The following OXSR1 variants were observed in gnomAD, a reference collection of about 807,000 sequenced individuals.
OXSR1 encodes the protein oxidative stress responsive kinase 1.
Under a neutral mutation model 79.8 loss-of-function variants are expected in OXSR1, and 24 were observed. The observed-to-expected ratio is 0.30, with a 90% confidence interval of 0.22 to 0.42. The LOEUF is 0.42. OXSR1 is among the 10% of genes least tolerant of loss of function. The probability of loss-of-function intolerance (pLI) is 1.00; values close to 1 mark genes in which losing one functional copy is unlikely to be tolerated. For synonymous variants in OXSR1, 226 were observed against 209.2 expected (o/e 1.08, Z -0.69); for missense variants, 430 against 618.4 (o/e 0.70, Z 3.23).
chr3:38,251,792 C>T (rs1255081202), intron 16 of OXSR1, among the ~76,000 whole-genome samples: 2 of 152,072 alleles, frequency 1.3e-5, no homozygotes, highest in Non-Finnish European at 2.9e-5. Context: ...TTTTGTGGCC[C>T]AAGTTGAGCA....
At chr3:38,242,175 C>T (rs1559527127) in intron 11 of OXSR1, among the ~76,000 whole-genome samples, 1 of 152,112 alleles carries the variant, frequency 6.6e-6, no homozygotes, top group Non-Finnish European at 1.5e-5. Flanking sequence ...ATTTCCACTA[C>T]CTTTATTTTT....
At chr3:38,181,414 G>C (rs1355193235) in intron 1 of OXSR1, among the ~76,000 whole-genome samples, 1 of 149,888 alleles carries the variant, frequency 6.7e-6, no homozygotes, top group Non-Finnish European at 1.5e-5. Flanking sequence ...GGAGTGCAAG[G>C]GTGCAATCTC....
At chr3:38,188,149 G>T (rs1345113734) in intron 2 of OXSR1, among the ~76,000 whole-genome samples, 1 of 151,914 alleles carries the variant, frequency 6.6e-6, no homozygotes, top group Non-Finnish European at 1.5e-5. Context: ...ACCCTTTGTA[G>T]TACTCCCCTT....
At position 38,190,781 on chromosome 3, in the gene OXSR1, CTACACAT is replaced by C. The variant is rs1486606290; in HGVS notation, c.235_241del (p.Tyr79LeufsTer4). ...GCCATCATCCTAATATTGTATCTTA[CTACACAT>C]CTTTTGTGGTAAAAGATGAGCTGTG... On this transcript the variant is annotated frameshift_variant, in exon 3 of 18. Coordinates refer to ENST00000311806, the MANE Select transcript of OXSR1 (RefSeq NM_005109.3). LOFTEE classifies it high-confidence loss of function. 6.2e-7 allele frequency: 1 copy of C among 1,609,754 alleles called. No homozygotes were observed. The highest frequency in any genetic ancestry group is 1.3e-5 in the African/African-American group (1 of 74,806).
At chr3:38,237,877 T>A (rs1702951492) in intron 11 of OXSR1, among the ~76,000 whole-genome samples, 1 of 152,180 alleles carries the variant, frequency 6.6e-6, no homozygotes, top group East Asian at 1.9e-4. Flanking sequence ...TACTTTTTCA[T>A]GTGACTCCTG....
At chr3:38,177,683 C>T (rs1575309478) in intron 1 of OXSR1, among the ~76,000 whole-genome samples, 1 of 152,014 alleles carries the variant, frequency 6.6e-6, no homozygotes, top group East Asian at 1.9e-4. Flanking sequence ...CTCCTGGGCC[C>T]AAGCAATCTT....
chr3:38,167,891 G>GT lies in OXSR1; in HGVS notation c.70+1961dup, dbSNP rs10707866. 7.5e-3 allele frequency among the ~76,000 whole-genome samples: 1,073 copies of GT among 143,944 alleles called. 8 individuals are homozygous for GT. The highest frequency in any genetic ancestry group is 8.6e-3 in the Non-Finnish European group (564 of 65,588). 94.4% of individuals were successfully genotyped at this position (143,944 alleles called of 152,430 possible). ...TCCCTATCATCATTTTAAAAGAAGAGTTTTTTTTTTTTTTTTCTGGTAGTG... is the reference window on the plus strand; with the variant it reads ...TCCCTATCATCATTTTAAAAGAAGAGTTTTTTTTTTTTTTTTTCTGGTAGTG... On this transcript the variant is annotated intron_variant, in intron 1 of 17. Transcript: ENST00000311806.
At chr3:38,181,943 A>C (rs1316246913) in intron 1 of OXSR1, among the ~76,000 whole-genome samples, 1 of 150,772 alleles carries the variant, frequency 6.6e-6, no homozygotes, top group East Asian at 2.0e-4. Flanking sequence ...CTGGTCTCTA[A>C]CTCCTGGCCT....
At chr3:38,250,157 T>A in intron 15 of OXSR1, 139 bp downstream of exon 15, 1 of 629,598 alleles carries the variant, frequency 1.6e-6, no homozygotes, top group Non-Finnish European at 2.8e-6. Flanking sequence ...AGTATATGAG[T>A]GAGATAAAAA....
intron 4 of OXSR1, among the ~76,000 whole-genome samples, chr3:38,200,952 G>A (rs1339887131): frequency 6.6e-6 from 1 of 152,148 alleles, no homozygotes; most frequent in Non-Finnish European, 1.5e-5. Flanking sequence ...TAATTTACAT[G>A]TTTCGATACA....
rs1703134875 is a variant in OXSR1, at chr3:38,246,054, CTG to C, written c.1111-13_1111-12del. 6.2e-7 allele frequency: 1 copy of C among 1,612,036 alleles called. No homozygotes were observed. Reference sequence around the variant, plus strand: ...CCCTTTCCACACAACTTAAGCAACACTGTGTGTGTTTTTGTTACAGCTCTTTC... The same window carrying C: ...CCCTTTCCACACAACTTAAGCAACACTGTGTGTTTTTGTTACAGCTCTTTC... On this transcript the variant is annotated intron_variant, in intron 12 of 17. Transcript: ENST00000311806.
At chr3:38,184,087 G>C (rs972160469) in intron 2 of OXSR1, among the ~76,000 whole-genome samples, 12 of 152,110 alleles carry the variant, frequency 7.9e-5, no homozygotes, top group African/African-American at 2.9e-4. Flanking sequence ...AGAAAGGTCG[G>C]GTATTAGAAC....
At chr3:38,224,379 A>G (rs956554324) in intron 7 of OXSR1, among the ~76,000 whole-genome samples, 192 bp from the exon 8 acceptor site, 2 of 152,222 alleles carry the variant, frequency 1.3e-5, no homozygotes, top group Admixed American at 6.5e-5. Flanking sequence ...GAAGCTAACC[A>G]TCTACAGCAG....
At chr3:38,223,363 C>T (rs1364251428) in intron 6 of OXSR1, among the ~76,000 whole-genome samples, 1 of 151,858 alleles carries the variant, frequency 6.6e-6, no homozygotes, top group African/African-American at 2.4e-5. Context: ...TGGCCTCAAG[C>T]CCACCTCATC....
At chr3:38,242,917 G>T in intron 12 of OXSR1, 139 bp downstream of exon 12, 1 of 448,878 alleles carries the variant, frequency 2.2e-6, no homozygotes, top group East Asian at 3.4e-5. Flanking sequence ...AAAAGTTGGC[G>T]TAAGGGCTCA....
At chr3:38,198,896 A>T in intron 4 of OXSR1, 33 bp downstream of exon 4, 9 of 1,589,240 alleles carry the variant, frequency 5.7e-6, no homozygotes, top group South Asian at 2.2e-5. Context: ...GTGTTACATC[A>T]TCTCATTAAG....
chr3:38,193,167 C>A, intron 3 of OXSR1: 1 of 653,492 alleles, frequency 1.5e-6, no homozygotes, highest in Non-Finnish European at 2.4e-6. Context: ...TCATCCACCA[C>A]TGTGCTGACA....
At position 38,186,870 on chromosome 3, in the gene OXSR1, T is replaced by C. The variant is rs369249787; in HGVS notation, c.183+3755T>C. Among the ~76,000 whole-genome samples, 142 of 152,352 alleles carry C rather than the reference T, an allele frequency of 9.3e-4. 4 individuals are homozygous for C. The South Asian group carries it at 0.028, about 30-fold the overall frequency. ...AATATGGTAACTCTGTGTTTAACTTTTTGAAAAACTGCCAAGCTATTTTCC... is the reference window on the plus strand; with the variant it reads ...AATATGGTAACTCTGTGTTTAACTTCTTGAAAAACTGCCAAGCTATTTTCC... On this transcript the variant is annotated intron_variant, in intron 2 of 17. Coordinates refer to ENST00000311806, the MANE Select transcript of OXSR1 (RefSeq NM_005109.3).
intron 4 of OXSR1, among the ~76,000 whole-genome samples, chr3:38,208,258 T>A (rs1702309030): frequency 6.6e-6 from 1 of 152,062 alleles, no homozygotes; most frequent in Non-Finnish European, 1.5e-5. Flanking sequence ...GAACAATTGA[T>A]TAGGTACAGT....
Sources: gnomAD v4.1 joint callset for allele counts (sites outside exome capture counted in the v4.1 genomes callset) on GRCh38, gnomAD v4.1.1 for gene constraint, MANE v1.5 for transcripts, NCBI Gene and HGNC (gene_info 2026-07-23, HGNC 2026-07-21) for gene names.